Variants in PLXDC2 observed in about 807,000 individuals in gnomAD.
The protein encoded by PLXDC2 is plexin domain-containing protein 2.
In PLXDC2, 40 loss-of-function variants were observed where a neutral mutation model predicts 68.9. The ratio of observed to expected loss-of-function variants is 0.58; its 90% CI spans 0.45 to 0.76. PLXDC2 has a LOEUF of 0.76. PLXDC2 is among the 30% of genes least tolerant of loss of function. The pLI is 0.00. For missense variants in PLXDC2, 644 were observed against 661.9 expected (o/e 0.97, Z 0.30); for synonymous variants, 243 against 234.2 (o/e 1.04, Z -0.34).
intron 4 of PLXDC2, among the ~76,000 whole-genome samples, chr10:20,129,259 G>T (rs1468593480): frequency 2.6e-5 from 4 of 151,936 alleles, no homozygotes; most frequent in Non-Finnish European, 5.9e-5. Context: ...TGTACCTATT[G>T]GGTATTTGTG....
At chr10:19,863,956 G>A (rs1449988357) in intron 1 of PLXDC2, among the ~76,000 whole-genome samples, 1 of 151,978 alleles carries the variant, frequency 6.6e-6, no homozygotes, top group Non-Finnish European at 1.5e-5. Context: ...TGTTTTCTTA[G>A]GTGAGGGAGC....
intron 9 of PLXDC2, among the ~76,000 whole-genome samples, chr10:20,195,130 A>G (rs1834820536): frequency 6.6e-6 from 1 of 152,032 alleles, no homozygotes; most frequent in Non-Finnish European, 1.5e-5. Flanking sequence ...AACATTTTTG[A>G]AAAATAAAAC....
At chr10:20,123,282 G>A (rs200438374) in intron 4 of PLXDC2, among the ~76,000 whole-genome samples, 11 of 151,922 alleles carry the variant, frequency 7.2e-5, no homozygotes, top group Admixed American at 1.3e-4. Flanking sequence ...ACTCAGAGAC[G>A]CTTGGGGTTG....
At chr10:20,249,815 A>G (rs1835649975) in intron 13 of PLXDC2, among the ~76,000 whole-genome samples, 1 of 151,812 alleles carries the variant, frequency 6.6e-6, no homozygotes, top group Non-Finnish European at 1.5e-5. Context: ...TTCCAATTAA[A>G]CTCTAACACA....
At chr10:20,030,781 G>T (rs185606181) in intron 2 of PLXDC2, among the ~76,000 whole-genome samples, 1 of 152,290 alleles carries the variant, frequency 6.6e-6, no homozygotes, top group Non-Finnish European at 1.5e-5. Flanking sequence ...AAATAAAAAG[G>T]TGTGGGTTTC....
At chr10:20,149,216 TTTTTTTTCTTTTC>T (rs1320316258) in intron 6 of PLXDC2, among the ~76,000 whole-genome samples, 7 of 137,498 alleles carry the variant, frequency 5.1e-5, no homozygotes, top group African/African-American at 1.9e-4. Flanking sequence ...TTTTCTTTCT[TTTTTTTTCTTTTC>T]TTTTTTTTTT....
intron 3 of PLXDC2, among the ~76,000 whole-genome samples, chr10:20,056,319 C>T (rs1240008483): frequency 6.6e-6 from 1 of 152,150 alleles, no homozygotes; most frequent in African/African-American, 2.4e-5. Context: ...ACAAAATTAA[C>T]ATGATTAGAG....
At chr10:20,121,537 A>C (rs1215959320) in intron 4 of PLXDC2, among the ~76,000 whole-genome samples, 3 of 152,244 alleles carry the variant, frequency 2.0e-5, no homozygotes, top group Non-Finnish European at 2.9e-5. Flanking sequence ...GCCTTGCGGC[A>C]GTACAGCCCA....
chr10:20,191,629 T>G (rs1834766166), intron 9 of PLXDC2, among the ~76,000 whole-genome samples: 2 of 149,836 alleles, frequency 1.3e-5, no homozygotes, highest in African/African-American at 4.9e-5. Flanking sequence ...TTGTTCCCCT[T>G]CCTGTGTCCA....
At chr10:19,956,460 C>G (rs1360471164) in intron 1 of PLXDC2, among the ~76,000 whole-genome samples, 1 of 152,130 alleles carries the variant, frequency 6.6e-6, no homozygotes, top group Non-Finnish European at 1.5e-5. Flanking sequence ...ACATGTGTGT[C>G]TCCCATTCCG....
chr10:20,159,625 T>C (rs1386634304), intron 6 of PLXDC2, among the ~76,000 whole-genome samples: 1 of 152,190 alleles, frequency 6.6e-6, no homozygotes, highest in African/African-American at 2.4e-5. Context: ...TCTTTCTGTA[T>C]CTTTTGGACT....
intron 3 of PLXDC2, among the ~76,000 whole-genome samples, chr10:20,047,712 A>G (rs1166116920): frequency 6.6e-6 from 1 of 152,100 alleles, no homozygotes; most frequent in African/African-American, 2.4e-5. Flanking sequence ...TGAATGCTCA[A>G]ATGCATTAGC....
At chr10:20,148,861 C>A (rs1448771135) in intron 6 of PLXDC2, among the ~76,000 whole-genome samples, 2 of 152,154 alleles carry the variant, frequency 1.3e-5, no homozygotes, top group Non-Finnish European at 1.5e-5. Flanking sequence ...TTGGTCAAAT[C>A]TTCTGAAATC....
intron 1 of PLXDC2, among the ~76,000 whole-genome samples, chr10:19,847,789 A>G (rs1032566263): frequency 1.3e-5 from 2 of 152,180 alleles, no homozygotes; most frequent in East Asian, 3.9e-4. Flanking sequence ...CCACTATCAC[A>G]TAGAGTCTAT....
chr10:19,960,729 C>T (rs2131602364), intron 1 of PLXDC2, among the ~76,000 whole-genome samples: 1 of 149,866 alleles, frequency 6.7e-6, no homozygotes, highest in East Asian at 2.0e-4. Flanking sequence ...ATTGTGGTGC[C>T]TGATTACATA....
At chr10:19,994,995 C>T (rs747109350) in intron 1 of PLXDC2, among the ~76,000 whole-genome samples, 5 of 151,322 alleles carry the variant, frequency 3.3e-5, no homozygotes, top group African/African-American at 4.9e-5. Flanking sequence ...CCACCCACCT[C>T]GGCTCCCAAA....
rs1427885016 is a variant in PLXDC2, at chr10:20,281,485, G to A, written c.*1666G>A. On this transcript the variant is annotated 3_prime_UTR_variant, in exon 14 of 14. Coordinates refer to ENST00000377252, the MANE Select transcript of PLXDC2 (RefSeq NM_032812.9). ...TAAGCAGCATTTTCCCAACAGTTTA[G>A]CATCTGTACACATCTGCCTTGGTCA... 2.0e-5 allele frequency: 3 copies of A among 152,174 alleles called. No individual in the cohort carries two copies. The highest frequency in any genetic ancestry group is 4.4e-5 in the Non-Finnish European group (3 of 68,036). 9.4% of individuals were successfully genotyped at this position (152,174 alleles called of 1,614,324 possible).
chr10:19,878,873 C>T (rs1837680596), intron 1 of PLXDC2, among the ~76,000 whole-genome samples: 1 of 152,086 alleles, frequency 6.6e-6, no homozygotes, highest in South Asian at 2.1e-4. Context: ...AAATGGCTTT[C>T]GTTAGCCATT....
chr10:20,227,017 G>A (rs1588529566), intron 12 of PLXDC2, among the ~76,000 whole-genome samples: 1 of 152,110 alleles, frequency 6.6e-6, no homozygotes, highest in East Asian at 1.9e-4. Flanking sequence ...CATGTGTAAA[G>A]TGATTATTCT....
Sources: allele counts gnomAD v4.1 joint callset (sites outside exome capture counted in the v4.1 genomes callset), GRCh38; gene constraint gnomAD v4.1.1; transcripts MANE v1.5; gene names NCBI Gene and HGNC (gene_info 2026-07-23, HGNC 2026-07-21).